CPS1: variants seen among roughly 807,000 people sequenced by gnomAD.
CPS1 encodes the protein carbamoyl-phosphate synthase [ammonia], mitochondrial.
CPS1 carries 109 observed loss-of-function variants against 174.6 expected under a neutral mutation model. The observed-to-expected ratio is 0.62, with a 90% CI of 0.53 to 0.73. CPS1 has a LOEUF of 0.73. CPS1 is among the 30% of genes least tolerant of loss of function. The pLI, the probability that CPS1 is intolerant of heterozygous loss-of-function variation, is 0.00. For missense variants in CPS1, 1,689 were observed against 1,821.9 expected (o/e 0.93, Z 1.33); for synonymous variants, 637 against 632.0 (o/e 1.01, Z -0.12).
At chr2:210,505,557 C>T (rs1353236908) in intron 1 of CPS1, among the ~76,000 whole-genome samples, 4 of 149,914 alleles carry the variant, frequency 2.7e-5, no homozygotes, top group African/African-American at 9.9e-5. Context: ...ACAGTGGGTG[C>T]AGTGCACTGA....
chr2:210,672,700 T>C (rs1294634142), intron 34 of CPS1: 2 of 152,214 alleles, frequency 1.3e-5, no homozygotes, highest in Non-Finnish European at 1.5e-5. Context: ...AGCTCATTTC[T>C]TTCTGTTTGG....
chr2:210,576,637 T>G lies in CPS1; in HGVS notation c.381+147T>G, dbSNP rs1179251684. 7.8e-6 allele frequency: 7 copies of G among 895,134 alleles called. No homozygotes were observed. In the Admixed American group the frequency reaches 1.3e-4, roughly 17 times the overall value. The allele number at this position is 895,134 out of a possible 1,614,324, so 55.4% of individuals were successfully genotyped here. A position where few individuals can be genotyped will look rare whatever the true frequency, so the allele number is the denominator to read the frequency against. The stretch of plus-strand genomic sequence containing the variant: ...GTATTCAATCTTATTCCTAGGTACA[T>G]GAGAATAATCTTTAACTTGACAGTA... On this transcript the variant is annotated intron_variant, in intron 3 of 37. Coordinates refer to ENST00000233072, the MANE Select transcript of CPS1 (RefSeq NM_001875.5).
intron 10 of CPS1, 85 bp downstream of exon 10, chr2:210,592,054 T>C: frequency 7.0e-7 from 1 of 1,418,474 alleles, no homozygotes; most frequent in South Asian, 1.2e-5. Flanking sequence ...ATTGTATATA[T>C]TTATGAGATA....
At chr2:210,552,926 C>T (rs541653710), upstream of CPS1, among the ~76,000 whole-genome samples, 24 of 151,900 alleles carry the variant, frequency 1.6e-4, no homozygotes, top group African/African-American at 3.1e-4. Context: ...TTTTCTACAG[C>T]GGAGCAAATA....
chr2:210,555,462 C>CA (rs949237355), upstream of CPS1, among the ~76,000 whole-genome samples: 1 of 151,858 alleles, frequency 6.6e-6, no homozygotes, highest in Non-Finnish European at 1.5e-5. Flanking sequence ...TTTCTATCAC[C>CA]AGGAGCCATG....
chr2:210,600,670 T>C lies in CPS1; in HGVS notation c.1665T>C (p.Asn555=), dbSNP rs745650408. 3.1e-6 allele frequency: 5 copies of C among 1,612,140 alleles called. 1 individual carries two copies. Among genetic ancestry groups the C allele is most frequent in the Middle Eastern group, 3.3e-4 (2 of 6,048 alleles). Residue 555 remains asparagine, a synonymous_variant, in exon 15 of 38, where the codon AAT becomes AAC. Transcript: ENST00000233072. ...GGCAGCTGTTTTCAGATAAACTAAA[T>C]GAGATCAATGAAAAGATTGCTCCAA... is the stretch of plus-strand genomic sequence containing the variant. ...EDRQLFSDKL[N]EINEKIAPSF... is the part of the protein sequence containing the mutation.
At chr2:210,664,393 G>A (rs962307133) in intron 33 of CPS1, among the ~76,000 whole-genome samples, 3 of 151,726 alleles carry the variant, frequency 2.0e-5, no homozygotes, top group Non-Finnish European at 2.9e-5. Flanking sequence ...AGGCTGGAGT[G>A]CAACGGCATG....
chr2:210,564,853 G>A (rs1374986036), intron 1 of CPS1, among the ~76,000 whole-genome samples: 3 of 151,982 alleles, frequency 2.0e-5, no homozygotes, highest in African/African-American at 4.8e-5. Flanking sequence ...TTAGCTGGGT[G>A]TGGTGGCGCA....
intron 1 of CPS1, among the ~76,000 whole-genome samples, chr2:210,549,411 T>G (rs1214425034): frequency 2.0e-5 from 3 of 152,028 alleles, no homozygotes; most frequent in Non-Finnish European, 2.9e-5. Context: ...GTCTAATTAT[T>G]TAGCCATTTT....
chr2:210,613,287 G>A (rs1254216970), intron 20 of CPS1, among the ~76,000 whole-genome samples: 1 of 151,830 alleles, frequency 6.6e-6, no homozygotes, highest in Admixed American at 6.6e-5. Flanking sequence ...AGGAGAGGAA[G>A]GGATATTTCC....
chr2:210,492,324 G>A (rs147421500), intron 1 of CPS1, among the ~76,000 whole-genome samples: 47 of 152,266 alleles, frequency 3.1e-4, no homozygotes, highest in Admixed American at 2.7e-3. Flanking sequence ...TCGTCCTCTA[G>A]CAAGTCTCTA....
At chr2:210,578,578 G>C (rs1697790568) in intron 4 of CPS1, among the ~76,000 whole-genome samples, 1 of 152,090 alleles carries the variant, frequency 6.6e-6, no homozygotes, top group Non-Finnish European at 1.5e-5. Flanking sequence ...CTACGAAAGT[G>C]CTGCCTCTCC....
chr2:210,621,536 C>T (rs1466984591), intron 21 of CPS1, among the ~76,000 whole-genome samples: 1 of 152,140 alleles, frequency 6.6e-6, no homozygotes, highest in Non-Finnish European at 1.5e-5. Flanking sequence ...ATATTGTGCT[C>T]TTCCCATGTA....
intron 1 of CPS1, among the ~76,000 whole-genome samples, chr2:210,568,539 T>C (rs1177209463): frequency 1.3e-5 from 2 of 152,008 alleles, no homozygotes; most frequent in Non-Finnish European, 2.9e-5. Context: ...TAAAAACCAA[T>C]AGGTAACTAT....
chr2:210,608,514 T>C lies in CPS1; in HGVS notation c.2346T>C (p.His782=). Reference sequence around the variant, plus strand: ...CCCGCTGGGATCTTGACCGTTTTCATGGAACATCTAGCCGAATTGGTAGCT... The same window carrying C: ...CCCGCTGGGATCTTGACCGTTTTCACGGAACATCTAGCCGAATTGGTAGCT... ...KIPRWDLDRF[H]GTSSRIGSSM... is the part of the protein sequence containing the mutation. Residue 782 remains histidine, a synonymous_variant, in exon 19 of 38, where the codon CAT becomes CAC. Coordinates refer to ENST00000233072, the MANE Select transcript of CPS1 (RefSeq NM_001875.5). The C allele has an allele frequency of 3.1e-6, 5 of 1,612,272 alleles. No individual in the cohort carries two copies. The highest frequency in any genetic ancestry group is 4.2e-6 in the Non-Finnish European group (5 of 1,178,774).
chr2:210,586,676 G>T (rs1318583821), intron 6 of CPS1, among the ~76,000 whole-genome samples: 1 of 152,056 alleles, frequency 6.6e-6, no homozygotes, highest in Non-Finnish European at 1.5e-5. Context: ...TAATGTGTTT[G>T]TGTAGAGACC....
At chr2:210,521,895 A>G (rs1695836142) in intron 1 of CPS1, among the ~76,000 whole-genome samples, 1 of 151,834 alleles carries the variant, frequency 6.6e-6, no homozygotes, top group Non-Finnish European at 1.5e-5. Flanking sequence ...TTTTTGGTTT[A>G]TTATAAATAT....
intron 11 of CPS1, 33 bp downstream of exon 11, chr2:210,592,989 C>CA (rs546490415): frequency 4.0e-3 from 5,450 of 1,373,174 alleles, no homozygotes; most frequent in Non-Finnish European, 4.5e-3. Context: ...ATTATGTATG[C>CA]AAAAAAAAAA....
At chr2:210,604,111 A>G (rs1405114399) in intron 16 of CPS1, among the ~76,000 whole-genome samples, 3 of 151,854 alleles carry the variant, frequency 2.0e-5, no homozygotes, top group African/African-American at 7.2e-5. Flanking sequence ...AACATTGGCT[A>G]CTGAATTTTC....
Sources: gnomAD v4.1 joint callset for allele counts (sites outside exome capture counted in the v4.1 genomes callset) on GRCh38, gnomAD v4.1.1 for gene constraint, MANE v1.5 for transcripts, NCBI Gene and HGNC (gene_info 2026-07-23, HGNC 2026-07-21) for gene names.